The following GLOD4 variants were observed in gnomAD, a reference collection of about 807,000 sequenced individuals.
The protein encoded by GLOD4 is glyoxalase domain containing 4.
GLOD4 carries 44 observed loss-of-function variants against 39.1 expected under a neutral mutation model. The ratio of observed to expected loss-of-function variants is 1.13; its 90% confidence interval spans 0.88 to 1.45. GLOD4 has a LOEUF of 1.45. Ranked by LOEUF, GLOD4 falls within the 40% of genes most tolerant of loss-of-function variation. The pLI is 0.00. For synonymous variants in GLOD4, 145 were observed against 135.0 expected (o/e 1.07, Z -0.52); for missense variants, 405 against 366.4 (o/e 1.11, Z -0.86).
chr17:778,167 C>T (rs969867749), intron 2 of GLOD4: 1 of 169,784 alleles, frequency 5.9e-6, no homozygotes. Flanking sequence ...GTAAGTGTTT[C>T]CAGCGTTTCC....
intron 1 of GLOD4, among the ~76,000 whole-genome samples, chr17:781,357 T>G (rs551358929): frequency 3.3e-5 from 5 of 152,294 alleles, no homozygotes; most frequent in Admixed American, 3.3e-4. Context: ...TACGTACAAA[T>G]CCAGTTCCAA....
chr17:769,035 G>C (rs977687957), intron 8 of GLOD4, among the ~76,000 whole-genome samples: 1 of 152,256 alleles, frequency 6.6e-6, no homozygotes, highest in Non-Finnish European at 1.5e-5. Context: ...AAGGATGGGA[G>C]CTTTCAGCGC....
chr17:775,776 T>C lies in GLOD4; in HGVS notation c.405A>G (p.Ser135=), dbSNP rs762724986. The C allele has an allele frequency of 6.2e-7, 1 of 1,613,444 alleles. No individual in the cohort carries two copies. Among genetic ancestry groups the C allele is most frequent in the South Asian group, 1.1e-5 (1 of 91,068 alleles). Residue 135 remains serine, a splice_region_variant and synonymous_variant, in exon 4 of 9, where the codon TCA becomes TCG. Coordinates refer to ENST00000301329, the MANE Select transcript of GLOD4 (RefSeq NM_016080.4). ...TTTTACTGGTTCTGGTATAATTACC[T>C]GACTGAGGCAGACTGCGATTCTGCA... ...FYLQNRSLPQ[S]DPVLKVTLAV... is the part of the protein sequence containing the mutation.
rs1401604796 is a variant in GLOD4 at position 760,101 on chromosome 17, G to T, written c.*72C>A. 2.3e-6 allele frequency: 2 copies of T among 851,160 alleles called. No individual in the cohort carries two copies. The highest frequency in any genetic ancestry group is 4.1e-6 in the Non-Finnish European group (2 of 488,710). 52.7% of individuals were successfully genotyped at this position (851,160 alleles called of 1,614,324 possible). ...GAAACAAATCAGAAGAGCATTTATT[G>T]GGAACTGACACGTCAGGCCTCACAG... On this transcript the variant is annotated 3_prime_UTR_variant, in exon 9 of 9. Coordinates refer to ENST00000301329, the MANE Select transcript of GLOD4 (RefSeq NM_016080.4).
intron 4 of GLOD4, among the ~76,000 whole-genome samples, chr17:772,053 G>A (rs1243015827): frequency 6.7e-6 from 1 of 149,116 alleles, no homozygotes; most frequent in Non-Finnish European, 1.5e-5. Context: ...GACAGGCGTG[G>A]TGGCTCATGT....
At chr17:774,578 A>T (rs1908568117) in intron 4 of GLOD4, among the ~76,000 whole-genome samples, 1 of 152,156 alleles carries the variant, frequency 6.6e-6, no homozygotes. Flanking sequence ...GGGGCTCCTC[A>T]CTTCCATGCC....
chr17:782,692 G>A (rs186241400), upstream of GLOD4: 22 of 1,596,192 alleles, frequency 1.4e-5, no homozygotes, highest in East Asian at 2.7e-4. Context: ...AGGAGGCTGA[G>A]GTGATGTGGT....
chr17:760,202 T>G lies in GLOD4; in HGVS notation c.868A>C (p.Lys290Gln). Residue 290 changes from lysine to glutamine, a missense_variant, in exon 9 of 9, where the codon AAA becomes CAA. Physicochemically the swap from Lys to Gln is moderately conservative, Grantham distance 53. Transcript: ENST00000301329. The part of the protein sequence containing the change: ...AADKSDEWFA[K>Q]HNKPKASG ...CCTGAAGCTTTGGGTTTATTGTGTT[T>G]GGCAAACCACTCGTCACTTTTATCT... The G allele has an allele frequency of 1.2e-6, 2 of 1,601,308 alleles. No homozygotes were observed. The highest frequency in any genetic ancestry group is 1.7e-6 in the Non-Finnish European group (2 of 1,168,426).
intron 2 of GLOD4, 120 bp from the exon 3 acceptor site, chr17:777,108 G>C: frequency 1.1e-6 from 1 of 909,696 alleles, no homozygotes. Context: ...GTTCTCTTAA[G>C]GATGAGATGA....
chr17:778,375 T>C (rs1035528577), intron 2 of GLOD4: 13 of 445,138 alleles, frequency 2.9e-5, no homozygotes, highest in East Asian at 6.7e-5. Flanking sequence ...ATCAATTAAA[T>C]AACAGGACAG....
chr17:767,207 G>C (rs1270763917), intron 8 of GLOD4, among the ~76,000 whole-genome samples: 1 of 152,206 alleles, frequency 6.6e-6, no homozygotes, highest in Non-Finnish European at 1.5e-5. Flanking sequence ...AGAGTTACGT[G>C]ACAGAACCAA....
chr17:766,652 C>A (rs1420921160), intron 8 of GLOD4, among the ~76,000 whole-genome samples: 1 of 152,126 alleles, frequency 6.6e-6, no homozygotes, highest in Non-Finnish European at 1.5e-5. Context: ...GTAATCCCAG[C>A]ACTTTAGGAG....
chr17:763,953 G>A (rs979645730), intron 8 of GLOD4: 6 of 152,150 alleles, frequency 3.9e-5, no homozygotes, highest in African/African-American at 1.4e-4. Context: ...AGTGACGAAG[G>A]AATGATGAAA....
chr17:768,521 C>G (rs1158379530), intron 8 of GLOD4, among the ~76,000 whole-genome samples: 1 of 135,670 alleles, frequency 7.4e-6, no homozygotes, highest in African/African-American at 2.9e-5. Context: ...AGCGCGCACT[C>G]AGATTTTTAG....
In GLOD4 at chr17:775,802, A is replaced by G. The variant is rs1381263066; in HGVS notation, c.379T>C (p.Leu127=). The G allele has an allele frequency of 1.9e-6, 3 of 1,613,980 alleles. No individual in the cohort carries two copies. Among genetic ancestry groups the G allele is most frequent in the African/African-American group, 2.7e-5 (2 of 74,942 alleles). Residue 127 remains leucine, a synonymous_variant, in exon 4 of 9, where the codon TTG becomes CTG. Transcript: ENST00000301329. ...TEAPGGYKFY[L]QNRSLPQSDP... is the part of the protein sequence containing the mutation. ...GACTGAGGCAGACTGCGATTCTGCA[A>G]ATAGAACTTATATCCTCCCGGGGCC...
In GLOD4 at chr17:760,052, A is replaced by G. The variant is rs771765638; in HGVS notation, c.*121T>C. On this transcript the variant is annotated 3_prime_UTR_variant, in exon 9 of 9. Coordinates refer to ENST00000301329, the MANE Select transcript of GLOD4 (RefSeq NM_016080.4). ...AGATTGAAATACACAAATCTGCACT[A>G]CCCAAGCCTCCTTGCCTGTACGGGA... 2.9e-6 allele frequency: 2 copies of G among 699,510 alleles called. No individual in the cohort carries two copies. Among genetic ancestry groups the G allele is most frequent in the Non-Finnish European group, 5.2e-6 (2 of 382,848 alleles). The allele number at this position is 699,510 out of a possible 1,614,324, so 43.3% of individuals were successfully genotyped here. A position where few individuals can be genotyped will look rare whatever the true frequency, so the allele number is the denominator to read the frequency against.
intron 4 of GLOD4, among the ~76,000 whole-genome samples, chr17:773,771 T>C (rs1908409043): frequency 6.6e-6 from 1 of 152,182 alleles, no homozygotes; most frequent in African/African-American, 2.4e-5. Flanking sequence ...TGCCTCCGCC[T>C]GGCAGGCTCC....
intron 8 of GLOD4, among the ~76,000 whole-genome samples, chr17:769,288 G>A (rs901879841): frequency 1.3e-5 from 2 of 149,336 alleles, no homozygotes; most frequent in Admixed American, 6.6e-5. Flanking sequence ...GAGCTGAGGG[G>A]AACGGATGGA....
chr17:770,199 T>G lies in GLOD4; in HGVS notation c.631-42A>C, dbSNP rs372308114. 7.6e-5 allele frequency: 80 copies of G among 1,054,386 alleles called. No homozygotes were observed. In the African/African-American group the frequency reaches 1.2e-3, roughly 15 times the overall value. 65.3% of individuals were successfully genotyped at this position (1,054,386 alleles called of 1,614,324 possible). ...GCAACGTGAGCCAGGGGTCACACAC[T>G]ACTCAGGACACGGCCCTCGTCAGTC... On this transcript the variant is annotated intron_variant, in intron 6 of 8. Transcript: ENST00000301329.
Sources: allele counts gnomAD v4.1 joint callset (sites outside exome capture counted in the v4.1 genomes callset), GRCh38; gene constraint gnomAD v4.1.1; transcripts MANE v1.5; gene names NCBI Gene and HGNC (gene_info 2026-07-23, HGNC 2026-07-21).